SIN3A: variants seen among roughly 807,000 people sequenced by gnomAD.
SIN3A encodes SIN3 transcription regulator family member A.
In SIN3A, 14 loss-of-function variants were observed where a neutral mutation model predicts 146.1. The observed-to-expected ratio is 0.10, with a 90% CI of 0.06 to 0.15. The LOEUF is 0.15. SIN3A is among the 10% of genes least tolerant of loss of function. SIN3A has a pLI of 1.00. For missense variants in SIN3A, 1,028 were observed against 1,576.0 expected (o/e 0.65, Z 5.89); for synonymous variants, 572 against 572.0 (o/e 1.00, Z 0.00).
intron 15 of SIN3A, 133 bp from the exon 16 acceptor site, chr15:75,389,954 T>A: frequency 1.3e-6 from 1 of 769,572 alleles, no homozygotes; most frequent in Admixed American, 2.5e-5. Context: ...ATATACTCAC[T>A]CATTCCAATG....
rs914815994 is a variant in SIN3A, at chr15:75,411,649, G to A, written c.851C>T (p.Thr284Ile). Residue 284 changes from threonine to isoleucine, a missense_variant, in exon 6 of 21, where the codon ACA becomes ATA. Transcript: ENST00000394947. Reference protein sequence around the residue: ...SPRSPPVQPHTPVTISLGTAP... With the variant: ...SPRSPPVQPHIPVTISLGTAP... The stretch of plus-strand genomic sequence containing the variant: ...CGTTCCCAACGAGATTGTCACTGGT[G>A]TGTGAGGCTGGACCGGCGGAGAACG... 6.2e-7 allele frequency: 1 copy of A among 1,614,104 alleles called. No homozygotes were observed. Among genetic ancestry groups the A allele is most frequent in the East Asian group, 2.2e-5 (1 of 44,896 alleles).
upstream of SIN3A, among the ~76,000 whole-genome samples, chr15:75,452,474 A>C (rs947699646): frequency 6.6e-6 from 1 of 152,258 alleles, no homozygotes; most frequent in South Asian, 2.1e-4. Context: ...CCTTCCGTCC[A>C]GTTATCTTTA....
intron 9 of SIN3A, among the ~76,000 whole-genome samples, chr15:75,403,366 G>A (rs770250160): frequency 6.6e-6 from 1 of 151,490 alleles, no homozygotes; most frequent in Non-Finnish European, 1.5e-5. Flanking sequence ...GGAGGCAGAG[G>A]TTGCAGTGAG....
Position 75,370,984 on chromosome 15 carries a change from TGGG to T in SIN3A, c.*992_*994del, listed in dbSNP as rs2072741376. 1 of 147,262 alleles carries T rather than the reference TGGG, an allele frequency of 6.8e-6. No homozygotes were observed. Among genetic ancestry groups the T allele is most frequent in the Non-Finnish European group, 1.5e-5 (1 of 66,876 alleles). 9.1% of individuals were successfully genotyped at this position (147,262 alleles called of 1,614,324 possible). On this transcript the variant is annotated 3_prime_UTR_variant, in exon 21 of 21. Coordinates refer to ENST00000394947, the MANE Select transcript of SIN3A (RefSeq NM_001145358.2). ...TTTACAAAAAAAAAAAAAAAAAAGTTGGGGGCAAAGGGGAAGACAAGTTTTACA... is the reference window on the plus strand; with the variant it reads ...TTTACAAAAAAAAAAAAAAAAAAGTTGGCAAAGGGGAAGACAAGTTTTACA...
intron 3 of SIN3A, 27 bp downstream of exon 3, chr15:75,422,620 G>C: frequency 6.2e-7 from 1 of 1,613,512 alleles, no homozygotes; most frequent in Non-Finnish European, 8.5e-7. Context: ...TAAATTTTTT[G>C]ACCCAAGAAA....
At chr15:75,406,644 C>T (rs1409773658) in intron 9 of SIN3A, among the ~76,000 whole-genome samples, 3 of 152,000 alleles carry the variant, frequency 2.0e-5, no homozygotes, top group Admixed American at 1.3e-4. Context: ...GCCGAGATTG[C>T]GCCACTGCAC....
intron 5 of SIN3A, among the ~76,000 whole-genome samples, chr15:75,412,067 A>G (rs1355435821): frequency 6.6e-6 from 1 of 152,236 alleles, no homozygotes; most frequent in Non-Finnish European, 1.5e-5. Context: ...CTCATTCTAC[A>G]TAGCCTTTTG....
chr15:75,374,226 T>A (rs145148428), intron 20 of SIN3A, among the ~76,000 whole-genome samples: 65 of 152,336 alleles, frequency 4.3e-4, no homozygotes, highest in South Asian at 8.3e-4. Context: ...CTGGGCGTGG[T>A]GGCTCACGCC....
At chr15:75,383,721 G>C (rs1039221355) in intron 17 of SIN3A, among the ~76,000 whole-genome samples, 6 of 152,006 alleles carry the variant, frequency 3.9e-5, no homozygotes, top group Non-Finnish European at 5.9e-5. Flanking sequence ...GTAGAGACGG[G>C]GGCAATCCTT....
intron 16 of SIN3A, among the ~76,000 whole-genome samples, chr15:75,385,033 C>T (rs1191994462): frequency 1.3e-5 from 2 of 152,050 alleles, no homozygotes; most frequent in Non-Finnish European, 2.9e-5. Context: ...AATAGCCGGG[C>T]GTGGTGGCAG....
chr15:75,391,741 C>G (rs2141422566), intron 15 of SIN3A, among the ~76,000 whole-genome samples: 1 of 152,270 alleles, frequency 6.6e-6, no homozygotes, highest in South Asian at 2.1e-4. Context: ...TTCTCCATGT[C>G]TCATATCACC....
chr15:75,434,785 C>T (rs545591947), intron 1 of SIN3A, among the ~76,000 whole-genome samples: 2 of 150,986 alleles, frequency 1.3e-5, no homozygotes, highest in East Asian at 2.0e-4. Context: ...TCTGTCTCTA[C>T]TAAAAACACA....
chr15:75,447,214 A>T (rs145106485), intron 1 of SIN3A, among the ~76,000 whole-genome samples: 2 of 152,374 alleles, frequency 1.3e-5, no homozygotes, highest in East Asian at 3.9e-4. Flanking sequence ...CACATTTAAG[A>T]GCCGCAGTAA....
In SIN3A at chr15:75,400,751, T is replaced by C. The variant is rs145647920; in HGVS notation, c.1716A>G (p.Gly572=). Residue 572 remains glycine (G), a synonymous_variant, in exon 11 of 21, where the codon GGA becomes GGG. Transcript: ENST00000394947. The stretch of plus-strand genomic sequence containing the variant: ...TTACCTCTTTACAGAGAGGAGTCCG[T>C]CCTGTACACTTGGGCTGCTGGTAAC... ...PKSYQQPKCT[G]RTPLCKEVLN... 5 of 1,613,790 alleles carry C rather than the reference T, an allele frequency of 3.1e-6. No individual in the cohort carries two copies. In the African/African-American group the frequency reaches 6.7e-5, roughly 22 times the overall value.
At chr15:75,452,803 C>T (rs1057161890), upstream of SIN3A, among the ~76,000 whole-genome samples, 1 of 152,202 alleles carries the variant, frequency 6.6e-6, no homozygotes, top group African/African-American at 2.4e-5. Flanking sequence ...CATAAATTAA[C>T]ATTGGGGACA....
In SIN3A at chr15:75,426,802, T is replaced by A. The variant is rs2073932672; in HGVS notation, c.189+3385A>T. On this transcript the variant is annotated intron_variant, in intron 2 of 20. Transcript: ENST00000394947. ...CAAAAATTAGCCAGGTGTGGTGGCA[T>A]GCACCTGTAGTCCCAACTACTTGGG... is the stretch of plus-strand genomic sequence containing the variant. Among the ~76,000 whole-genome samples the A allele has an allele frequency of 2.0e-5, 3 of 151,992 alleles. 1 individual carries two copies. In the South Asian group the frequency reaches 6.2e-4, roughly 32 times the overall value.
intron 5 of SIN3A, 92 bp from the exon 6 acceptor site, chr15:75,411,835 A>G: frequency 7.3e-7 from 1 of 1,361,196 alleles, no homozygotes; most frequent in Non-Finnish European, 1.0e-6. Context: ...GTGTCAACGT[A>G]TATCCTTTAT....
chr15:75,417,125 T>C (rs1447602250), intron 3 of SIN3A, among the ~76,000 whole-genome samples: 4 of 151,944 alleles, frequency 2.6e-5, no homozygotes, highest in Middle Eastern at 6.8e-3. Context: ...TAAAGCTGGA[T>C]ACAGTTTGGC....
chr15:75,432,239 T>C (rs1369744249), intron 1 of SIN3A, among the ~76,000 whole-genome samples: 1 of 152,216 alleles, frequency 6.6e-6, no homozygotes, highest in Admixed American at 6.5e-5. Context: ...TGTTTTGGGA[T>C]GAGGAACTGA....
Sources: gnomAD v4.1 joint callset for allele counts (sites outside exome capture counted in the v4.1 genomes callset) on GRCh38, gnomAD v4.1.1 for gene constraint, MANE v1.5 for transcripts, NCBI Gene and HGNC (gene_info 2026-07-23, HGNC 2026-07-21) for gene names.